The following ARSB variants were observed in gnomAD, a reference collection of about 807,000 sequenced individuals.
ARSB encodes the protein arylsulfatase B, also known as N-acetylgalactosamine-4-sulfatase.
In ARSB, 41 loss-of-function variants were observed where a neutral mutation model predicts 50.9. That is an observed-to-expected ratio of 0.81 (90% confidence interval 0.63 to 1.04). The LOEUF is 1.04. Among genes scored for constraint, ARSB ranks in the 50% least tolerant of loss-of-function variants. The pLI, the probability that ARSB is intolerant of heterozygous loss-of-function variation, is 0.00. For missense variants in ARSB, 672 were observed against 693.3 expected (o/e 0.97, Z 0.35); for synonymous variants, 269 against 284.8 (o/e 0.94, Z 0.56).
intron 4 of ARSB, among the ~76,000 whole-genome samples, chr5:78,899,266 T>C (rs889921793): frequency 6.6e-6 from 1 of 152,174 alleles, no homozygotes; most frequent in Admixed American, 6.5e-5. Flanking sequence ...CCTTTGAGAG[T>C]TTCATTTTTC....
chr5:78,798,335 T>A (rs1008331993), intron 6 of ARSB, among the ~76,000 whole-genome samples: 4 of 151,648 alleles, frequency 2.6e-5, no homozygotes, highest in Admixed American at 6.6e-5. Context: ...CACGTTTTTT[T>A]AAGTAATTGG....
intron 5 of ARSB, among the ~76,000 whole-genome samples, chr5:78,857,548 G>A (rs12188045): frequency 0.23 from 35,124 of 152,096 alleles, 4,846 homozygotes; most frequent in Admixed American, 0.31. Context: ...CTGGTTTTAC[G>A]TGAATCAAGG....
intron 6 of ARSB, among the ~76,000 whole-genome samples, chr5:78,797,173 C>T (rs891305038): frequency 3.3e-5 from 5 of 152,068 alleles, no homozygotes; most frequent in African/African-American, 9.7e-5. Context: ...CCACCGCGCC[C>T]GGCAGGTCTC....
chr5:78,896,591 A>C (rs1748571906), intron 4 of ARSB, among the ~76,000 whole-genome samples: 1 of 152,186 alleles, frequency 6.6e-6, no homozygotes, highest in African/African-American at 2.4e-5. Flanking sequence ...GGATATAATA[A>C]TTGTGTTAGG....
intron 4 of ARSB, among the ~76,000 whole-genome samples, chr5:78,927,849 G>A (rs1750123792): frequency 6.6e-6 from 1 of 152,164 alleles, no homozygotes; most frequent in Non-Finnish European, 1.5e-5. Flanking sequence ...GAGACAGCAG[G>A]GGGCCAGAAA....
At chr5:78,808,980 A>G (rs1743693893) in intron 6 of ARSB, among the ~76,000 whole-genome samples, 1 of 152,224 alleles carries the variant, frequency 6.6e-6, no homozygotes, top group South Asian at 2.1e-4. Context: ...GATGTTAATG[A>G]AATCTACAGG....
At position 78,816,004 on chromosome 5, in the gene ARSB, T is replaced by C; in HGVS notation, c.1213+23352A>G. 4 of 1,557,056 alleles carry C rather than the reference T, an allele frequency of 2.6e-6. 1 individual carries two copies. Among genetic ancestry groups the C allele is most frequent in the Non-Finnish European group, 3.5e-6 (4 of 1,148,290 alleles). ...ACTTCTGCAGGAGCCACCCGAGGCC[T>C]TGAGGGGCCCTTTCAGAACCTTGGG... On this transcript the variant is annotated intron_variant, in intron 6 of 7. Transcript: ENST00000264914.
chr5:78,893,531 T>C (rs559575489), intron 4 of ARSB, among the ~76,000 whole-genome samples: 1 of 152,228 alleles, frequency 6.6e-6, no homozygotes, highest in African/African-American at 2.4e-5. Flanking sequence ...TTATTAAGGA[T>C]GAAAAGACTC....
intron 4 of ARSB, among the ~76,000 whole-genome samples, chr5:78,926,374 C>T (rs947487911): frequency 4.1e-4 from 62 of 152,080 alleles, no homozygotes; most frequent in Non-Finnish European, 6.6e-4. Flanking sequence ...GGTTCCTGTC[C>T]AAGTGCCTTT....
At chr5:78,927,155 C>T (rs369789063) in intron 4 of ARSB, among the ~76,000 whole-genome samples, 10 of 152,134 alleles carry the variant, frequency 6.6e-5, no homozygotes, top group South Asian at 2.1e-4. Flanking sequence ...TGAGCCACCA[C>T]GCCTGCCTGG....
chr5:78,781,534 G>T (rs1284197936), intron 7 of ARSB, among the ~76,000 whole-genome samples: 2 of 151,924 alleles, frequency 1.3e-5, no homozygotes, highest in East Asian at 3.9e-4. Context: ...TTAGAATTGG[G>T]AAAAGAAAAC....
chr5:78,867,418 G>C (rs988820437), intron 5 of ARSB, among the ~76,000 whole-genome samples: 17 of 152,310 alleles, frequency 1.1e-4, no homozygotes, highest in African/African-American at 3.8e-4. Context: ...AAATGTCCCT[G>C]TCTGACAGCC....
At chr5:78,883,496 C>T (rs778121593) in intron 5 of ARSB, 10 of 152,050 alleles carry the variant, frequency 6.6e-5, no homozygotes, top group Non-Finnish European at 1.3e-4. Context: ...CTCATAAGAA[C>T]CAAAATAATG....
chr5:78,847,760 G>C (rs1420533905), intron 5 of ARSB, among the ~76,000 whole-genome samples: 3 of 151,996 alleles, frequency 2.0e-5, no homozygotes, highest in Non-Finnish European at 4.4e-5. Flanking sequence ...GGTCTATTCA[G>C]GTTTTCTATT....
chr5:78,972,509 G>A (rs1460226730), intron 1 of ARSB, among the ~76,000 whole-genome samples: 3 of 72,078 alleles, frequency 4.2e-5, no homozygotes, highest in South Asian at 4.4e-4. Flanking sequence ...ACATTTGCAC[G>A]CATACGTACA....
rs542919285 is a variant in ARSB at position 78,814,461 on chromosome 5, A to T, written c.1213+24895T>A. On this transcript the variant is annotated intron_variant, in intron 6 of 7. Transcript: ENST00000264914. ...TCAGTCTTTCCCTAAGTCTCTCACC[A>T]CATAAAGCTACTGCGCCTTTATTTA... 1.1e-3 allele frequency among the ~76,000 whole-genome samples: 159 copies of T among 151,038 alleles called. 2 individuals carry two copies. The highest frequency in any genetic ancestry group is 3.8e-3 in the African/African-American group (155 of 40,856).
At chr5:78,857,238 GA>G (rs1746193125) in intron 5 of ARSB, among the ~76,000 whole-genome samples, 1 of 152,104 alleles carries the variant, frequency 6.6e-6, no homozygotes, top group Non-Finnish European at 1.5e-5. Context: ...TAATTTCTAA[GA>G]CATTTTATGA....
intron 5 of ARSB, among the ~76,000 whole-genome samples, chr5:78,852,761 T>C (rs1405618182): frequency 2.0e-5 from 3 of 152,076 alleles, no homozygotes; most frequent in Non-Finnish European, 4.4e-5. Flanking sequence ...CGTTTCTTTT[T>C]ATTCTTTTTT....
At chr5:78,812,641 A>G (rs1204253246) in intron 6 of ARSB, among the ~76,000 whole-genome samples, 1 of 138,576 alleles carries the variant, frequency 7.2e-6, no homozygotes, top group African/African-American at 2.6e-5. Flanking sequence ...ATGATATCAC[A>G]ATTTAGCATT....
Sources: allele counts gnomAD v4.1 joint callset (sites outside exome capture counted in the v4.1 genomes callset), GRCh38; gene constraint gnomAD v4.1.1; transcripts MANE v1.5; gene names NCBI Gene and HGNC (gene_info 2026-07-23, HGNC 2026-07-21).